Variants in FAM117B observed in about 807,000 individuals in gnomAD.
FAM117B encodes the protein family with sequence similarity 117 member B, also known as protein FAM117B.
In FAM117B, 22 loss-of-function variants were observed where a neutral mutation model predicts 52.8. The ratio of observed to expected loss-of-function variants is 0.42; its 90% CI spans 0.30 to 0.59. The LOEUF (loss-of-function observed/expected upper bound fraction) is 0.59, where lower values mean the gene tolerates loss of function less well. FAM117B is among the 20% of genes least tolerant of loss of function. The probability of loss-of-function intolerance (pLI) is 0.22; values close to 1 mark genes in which losing one functional copy is unlikely to be tolerated. For missense variants in FAM117B, 678 were observed against 802.6 expected (o/e 0.84, Z 1.88); for synonymous variants, 309 against 324.1 (o/e 0.95, Z 0.50).
chr2:202,692,030 C>G (rs1409560794), intron 1 of FAM117B, among the ~76,000 whole-genome samples: 1 of 152,102 alleles, frequency 6.6e-6, no homozygotes, highest in East Asian at 1.9e-4. Flanking sequence ...TTATGGTTAT[C>G]AGCAACACAG....
In FAM117B at chr2:202,765,836, G is replaced by C. The variant is rs930305882; in HGVS notation, c.*72G>C. On this transcript the variant is annotated 3_prime_UTR_variant, in exon 8 of 8. Transcript: ENST00000392238. ...CAGATCACTGGATTCTGATGGCATC[G>C]TGCGCTTCTGGTCGGCTGTGATGTG... 9.5e-6 allele frequency: 14 copies of C among 1,466,880 alleles called. No individual in the cohort carries two copies. Among genetic ancestry groups the C allele is most frequent in the Admixed American group, 2.0e-5 (1 of 50,148 alleles). The allele number at this position is 1,466,880 out of a possible 1,614,324, so 90.9% of individuals were successfully genotyped here.
chr2:202,691,873 T>C lies in FAM117B; in HGVS notation c.602-4008T>C, dbSNP rs904066985. 3.2e-4 allele frequency among the ~76,000 whole-genome samples: 48 copies of C among 152,208 alleles called. 1 individual carries two copies. Among genetic ancestry groups the C allele is most frequent in the Non-Finnish European group, 6.5e-4 (44 of 68,044 alleles). ...TGAAAATGAGTATATACTGCATTTG[T>C]TTTCTGAAAATGTGCTACAAAAGGA... On this transcript the variant is annotated intron_variant, in intron 1 of 7. Transcript: ENST00000392238.
At chr2:202,644,420 TTTTG>T (rs1443128395) in intron 1 of FAM117B, among the ~76,000 whole-genome samples, 1 of 152,216 alleles carries the variant, frequency 6.6e-6, no homozygotes, top group African/African-American at 2.4e-5. Flanking sequence ...AGAGAGTTAC[TTTTG>T]TTTATTTTCC....
At chr2:202,662,998 A>G (rs1233615020) in intron 1 of FAM117B, among the ~76,000 whole-genome samples, 1 of 152,234 alleles carries the variant, frequency 6.6e-6, no homozygotes, top group Non-Finnish European at 1.5e-5. Context: ...AAATTAAGAA[A>G]TAACTATTTT....
intron 2 of FAM117B, among the ~76,000 whole-genome samples, chr2:202,724,563 G>C (rs1203029425): frequency 1.3e-5 from 2 of 152,038 alleles, no homozygotes; most frequent in Non-Finnish European, 2.9e-5. Flanking sequence ...TAGTGTGCCT[G>C]GTGCGTGCTA....
In FAM117B at chr2:202,635,796, CT is replaced by C. The variant is rs1559090770; in HGVS notation, c.601+9del. On this transcript the variant is annotated intron_variant, in intron 1 of 7. Coordinates refer to ENST00000392238, the MANE Select transcript of FAM117B (RefSeq NM_173511.4). Reference sequence around the variant, plus strand: ...CCCCGGTTTGCAAAGCAGGTAAGTGCTGGGGGTCGCGCAGCAAGGGGGAGGC... The same window carrying C: ...CCCCGGTTTGCAAAGCAGGTAAGTGCGGGGGTCGCGCAGCAAGGGGGAGGC... 45 of 1,432,704 alleles carry C rather than the reference CT, an allele frequency of 3.1e-5. No individual in the cohort carries two copies. Among genetic ancestry groups the C allele is most frequent in the Non-Finnish European group, 3.8e-5 (42 of 1,094,328 alleles). 88.7% of individuals were successfully genotyped at this position (1,432,704 alleles called of 1,614,324 possible). A position where few individuals can be genotyped will look rare whatever the true frequency, so the allele number is the denominator to read the frequency against.
intron 1 of FAM117B, among the ~76,000 whole-genome samples, chr2:202,639,891 T>G (rs1198913439): frequency 6.6e-6 from 1 of 152,164 alleles, no homozygotes; most frequent in Non-Finnish European, 1.5e-5. Flanking sequence ...GGTGATAACA[T>G]TGCCTGTGAA....
At chr2:202,655,741 AGAGAGAGAGAGAGAGAGAGAGT>A (rs1273343883) in intron 1 of FAM117B, among the ~76,000 whole-genome samples, 6 of 135,316 alleles carry the variant, frequency 4.4e-5, no homozygotes, top group African/African-American at 2.2e-4. Context: ...AGAGAGAGAG[AGAGAGAGAGAGAGAGAGAGAGT>A]GTGTGTGTGT....
At chr2:202,761,855 T>C (rs1378112529) in intron 7 of FAM117B, among the ~76,000 whole-genome samples, 1 of 152,102 alleles carries the variant, frequency 6.6e-6, no homozygotes, top group African/African-American at 2.4e-5. Context: ...CACATTGATC[T>C]GTTAGTAGAA....
intron 2 of FAM117B, among the ~76,000 whole-genome samples, chr2:202,702,372 C>T (rs1472041600): frequency 6.6e-6 from 1 of 151,828 alleles, no homozygotes; most frequent in African/African-American, 2.4e-5. Flanking sequence ...GCCTGGGCGA[C>T]AGAGTGAGAC....
intron 4 of FAM117B, among the ~76,000 whole-genome samples, chr2:202,753,119 T>C (rs1461915511): frequency 6.6e-6 from 1 of 152,162 alleles, no homozygotes; most frequent in Non-Finnish European, 1.5e-5. Context: ...CTTCAAACTA[T>C]ACTATAAGGC....
intron 2 of FAM117B, among the ~76,000 whole-genome samples, chr2:202,708,780 A>C (rs952368043): frequency 2.0e-5 from 3 of 152,074 alleles, no homozygotes; most frequent in African/African-American, 7.2e-5. Context: ...AATTTAAAAA[A>C]AATTTTAGAG....
chr2:202,749,827 C>G lies in FAM117B; in HGVS notation c.961-5711C>G, dbSNP rs183991599. ...AACAATGAAGTTAAAAATAGTTTCT[C>G]AGGGCAGACTTTTTATGGACATATT... On this transcript the variant is annotated intron_variant, in intron 4 of 7. Coordinates refer to ENST00000392238, the MANE Select transcript of FAM117B (RefSeq NM_173511.4). Among the ~76,000 whole-genome samples the G allele has an allele frequency of 3.8e-3, 585 of 152,126 alleles. 4 individuals are homozygous for G. The highest frequency in any genetic ancestry group is 0.014 in the African/African-American group (562 of 41,512).
In FAM117B at chr2:202,644,064, G is replaced by GTT. The variant is rs1161026426; in HGVS notation, c.601+8295_601+8296dup. Among the ~76,000 whole-genome samples, 102 of 95,150 alleles carry GTT rather than the reference G, an allele frequency of 1.1e-3. 3 individuals carry two copies. The highest frequency in any genetic ancestry group is 3.1e-3 in the African/African-American group (70 of 22,246). 62.4% of individuals were successfully genotyped at this position (95,150 alleles called of 152,430 possible). ...CTGCTTTAGGAGCTGTTTTTTTTTT[G>GTT]TTTTTTTTTTTTTTTTTTTTCAGTT... On this transcript the variant is annotated intron_variant, in intron 1 of 7. Coordinates refer to ENST00000392238, the MANE Select transcript of FAM117B (RefSeq NM_173511.4).
intron 1 of FAM117B, among the ~76,000 whole-genome samples, chr2:202,655,817 G>C (rs562193645): frequency 1.9e-4 from 28 of 150,544 alleles, no homozygotes; most frequent in African/African-American, 6.6e-4. Context: ...AATGAGAAGG[G>C]GAGAAAGAGT....
At chr2:202,670,427 T>C (rs190263535) in intron 1 of FAM117B, among the ~76,000 whole-genome samples, 1 of 151,966 alleles carries the variant, frequency 6.6e-6, no homozygotes, top group Non-Finnish European at 1.5e-5. Context: ...GTAGGTGGGA[T>C]TACAGGCGCC....
chr2:202,766,640 T>A lies in FAM117B; in HGVS notation c.*876T>A, dbSNP rs1691984361. On this transcript the variant is annotated 3_prime_UTR_variant, in exon 8 of 8. Transcript: ENST00000392238. The stretch of plus-strand genomic sequence containing the variant: ...AAGTCAGTGAGCCAAAAGGAAGCTA[T>A]CCAGCGTTGATTGCTAGCTAAGAGT... The A allele has an allele frequency of 6.6e-6, 1 of 152,562 alleles. No individual in the cohort carries two copies. Among genetic ancestry groups the A allele is most frequent in the Non-Finnish European group, 1.5e-5 (1 of 68,050 alleles). The allele number at this position is 152,562 out of a possible 1,614,324, so 9.5% of individuals were successfully genotyped here.
intron 4 of FAM117B, among the ~76,000 whole-genome samples, chr2:202,751,975 A>C (rs1369747673): frequency 6.6e-6 from 1 of 152,076 alleles, no homozygotes. Context: ...GGGATCAGAA[A>C]GAAGAGATGG....
At chr2:202,731,332 A>AAAAT (rs1553522256) in intron 4 of FAM117B, among the ~76,000 whole-genome samples, 3 of 30,734 alleles carry the variant, frequency 9.8e-5, no homozygotes, top group Non-Finnish European at 3.1e-4. Flanking sequence ...GAGAAATTGG[A>AAAAT]ATATATATAT....
Sources: allele counts gnomAD v4.1 joint callset (sites outside exome capture counted in the v4.1 genomes callset), GRCh38; gene constraint gnomAD v4.1.1; transcripts MANE v1.5; gene names NCBI Gene and HGNC (gene_info 2026-07-23, HGNC 2026-07-21).